NCOA2: variants seen among roughly 807,000 people sequenced by gnomAD.
The protein encoded by NCOA2 is nuclear receptor coactivator 2, also known as class E basic helix-loop-helix protein 75.
In NCOA2, 21 loss-of-function variants were observed where a neutral mutation model predicts 145.1. That is an observed-to-expected ratio of 0.14 (90% CI 0.10 to 0.21). NCOA2 has a LOEUF of 0.21. NCOA2 is among the 10% of genes least tolerant of loss of function. NCOA2 has a pLI of 1.00. For synonymous variants in NCOA2, 619 were observed against 637.5 expected (o/e 0.97, Z 0.44); for missense variants, 1,472 against 1,837.6 (o/e 0.80, Z 3.64).
intron 6 of NCOA2, among the ~76,000 whole-genome samples, chr8:70,167,545 T>G (rs1813755381): frequency 6.6e-6 from 1 of 152,218 alleles, no homozygotes; most frequent in Non-Finnish European, 1.5e-5. Context: ...TCTCAAATTT[T>G]ACAGAAACTT....
Position 70,235,133 on chromosome 8 carries a change from T to C in NCOA2, c.-19-18369A>G, listed in dbSNP as rs368933543. ...TGCACACACATATAATAGAATATTA[T>C]TCAGCCTTAAAGAGGAGTATCGTAC... On this transcript the variant is annotated intron_variant, in intron 2 of 22. Transcript: ENST00000452400. Among the ~76,000 whole-genome samples, 71 of 152,336 alleles carry C rather than the reference T, an allele frequency of 4.7e-4. No homozygotes were observed. In the South Asian group the frequency reaches 0.015, roughly 32 times the overall value.
At chr8:70,248,908 A>G (rs1358050793) in intron 2 of NCOA2, among the ~76,000 whole-genome samples, 2 of 151,808 alleles carry the variant, frequency 1.3e-5, no homozygotes, top group Admixed American at 6.6e-5. Flanking sequence ...TATTGTATGA[A>G]TATACCACAG....
At chr8:70,262,784 G>A (rs1563695170) in intron 2 of NCOA2, among the ~76,000 whole-genome samples, 1 of 152,138 alleles carries the variant, frequency 6.6e-6, no homozygotes, top group Non-Finnish European at 1.5e-5. Context: ...GGGAAGTGAA[G>A]TACAGTAGTC....
intron 8 of NCOA2, 22 bp from the exon 9 acceptor site, chr8:70,162,876 T>C: frequency 6.3e-7 from 1 of 1,579,698 alleles, no homozygotes; most frequent in Non-Finnish European, 8.6e-7. Flanking sequence ...CAGCAGGCAT[T>C]ATACCTACAT....
chr8:70,309,974 CA>C (rs1217657530), intron 1 of NCOA2, among the ~76,000 whole-genome samples: 1 of 150,648 alleles, frequency 6.6e-6, no homozygotes. Context: ...AACAAACAAA[CA>C]AAAAAACGAA....
intron 11 of NCOA2, among the ~76,000 whole-genome samples, chr8:70,149,841 T>C (rs1275242099): frequency 6.6e-6 from 1 of 152,212 alleles, no homozygotes. Flanking sequence ...TCATTGGACT[T>C]TGAATCCTTG....
rs1418715894 is a variant in NCOA2 at position 70,163,543 on chromosome 8, C to T, written c.754G>A (p.Val252Met). Residue 252 changes from valine to methionine, a missense_variant, in exon 8 of 23, where the codon GTG (valine) becomes ATG (methionine). Coordinates refer to ENST00000452400, the MANE Select transcript of NCOA2 (RefSeq NM_006540.4). ...GEDLQSCLIC[V>M]ARRVPMKERP... is the part of the protein sequence containing the mutation. ...TCCTTCATGGGAACTCTTCTTGCCA[C>T]GCAAATCAAGCAGGACTGCAAATCT... 9.3e-6 allele frequency: 15 copies of T among 1,613,616 alleles called. No individual in the cohort carries two copies. The highest frequency in any genetic ancestry group is 1.2e-5 in the Non-Finnish European group (14 of 1,179,768).
chr8:70,416,376 A>G, the NCOA2 span, among the ~76,000 whole-genome samples: 4 of 152,004 alleles, frequency 2.6e-5, no homozygotes, highest in Admixed American at 2.6e-4. Context: ...ACAGACTACT[A>G]TTTCTCAAGT....
intron 2 of NCOA2, among the ~76,000 whole-genome samples, chr8:70,259,366 T>A (rs1823918430): frequency 6.6e-6 from 1 of 152,212 alleles, no homozygotes. Flanking sequence ...TATTTTGCCC[T>A]AAGTATATTA....
intron 3 of NCOA2, 29 bp downstream of exon 3, chr8:70,216,631 C>G (rs1210024384): frequency 1.3e-6 from 2 of 1,551,008 alleles, no homozygotes; most frequent in Admixed American, 3.3e-5. Context: ...ACAGACAATA[C>G]TGATTCCTTT....
At chr8:70,332,634 T>C (rs548929409) in intron 1 of NCOA2, among the ~76,000 whole-genome samples, 1 of 152,310 alleles carries the variant, frequency 6.6e-6, no homozygotes, top group East Asian at 1.9e-4. Context: ...TATTCAGATG[T>C]ATTACAATTT....
chr8:70,179,596 G>A (rs940828602), intron 4 of NCOA2, among the ~76,000 whole-genome samples: 3 of 152,152 alleles, frequency 2.0e-5, no homozygotes, highest in African/African-American at 7.2e-5. Context: ...TGTAAGTACA[G>A]CATTACTACA....
intron 2 of NCOA2, among the ~76,000 whole-genome samples, chr8:70,242,385 T>G (rs1822214558): frequency 6.6e-6 from 1 of 152,176 alleles, no homozygotes; most frequent in Non-Finnish European, 1.5e-5. Flanking sequence ...ATGTTTATGT[T>G]GTACTATATT....
At chr8:70,123,847 T>C in intron 21 of NCOA2, 37 bp downstream of exon 21, 2 of 1,533,388 alleles carry the variant, frequency 1.3e-6, no homozygotes, top group South Asian at 1.3e-5. Flanking sequence ...AAAGCCGTGA[T>C]ATGAAGCCAC....
intron 2 of NCOA2, among the ~76,000 whole-genome samples, chr8:70,274,593 C>T (rs1234815028): frequency 6.6e-6 from 1 of 152,186 alleles, no homozygotes; most frequent in Non-Finnish European, 1.5e-5. Context: ...CATAAATTTG[C>T]TCAACATTAG....
intron 21 of NCOA2, among the ~76,000 whole-genome samples, chr8:70,121,652 T>C (rs1180940666): frequency 2.0e-5 from 3 of 152,226 alleles, no homozygotes; most frequent in Admixed American, 6.5e-5. Flanking sequence ...TCAAATTCAA[T>C]TGACTTAATA....
chr8:70,157,268 A>C, intron 10 of NCOA2, 28 bp from the exon 11 acceptor site: 1 of 1,499,830 alleles, frequency 6.7e-7, no homozygotes, highest in Non-Finnish European at 8.9e-7. Context: ...AAAAAAATGT[A>C]AGATAAAAGG....
chr8:70,328,957 T>G (rs1228667592), intron 1 of NCOA2, among the ~76,000 whole-genome samples: 1 of 151,892 alleles, frequency 6.6e-6, no homozygotes, highest in Non-Finnish European at 1.5e-5. Flanking sequence ...CCCAGCAATT[T>G]TTTTTTCCTT....
At chr8:70,403,918 C>G (rs935046276), upstream of NCOA2, 5 of 374,476 alleles carry the variant, frequency 1.3e-5, no homozygotes, top group Non-Finnish European at 1.9e-5. Flanking sequence ...AGCGCGAGCT[C>G]GCGAGCAGGG....
Sources: gnomAD v4.1 joint callset for allele counts (sites outside exome capture counted in the v4.1 genomes callset) on GRCh38, gnomAD v4.1.1 for gene constraint, MANE v1.5 for transcripts, NCBI Gene and HGNC (gene_info 2026-07-23, HGNC 2026-07-21) for gene names.